The following TNFSF4 variants were observed in gnomAD, a reference collection of about 807,000 sequenced individuals.
The protein encoded by TNFSF4 is TNF superfamily member 4.
Under a neutral mutation model 7.3 loss-of-function variants are expected in TNFSF4, and 4 were observed. That is an observed-to-expected ratio of 0.55 (90% CI 0.27 to 1.25). TNFSF4 has a LOEUF of 1.25. Among genes scored for constraint, TNFSF4 ranks in the 50% most tolerant of loss-of-function variants. The pLI is 0.12. For synonymous variants in TNFSF4, 76 were observed against 83.7 expected, an observed-to-expected ratio of 0.91 and a Z score of 0.50; for missense variants, 181 against 208.8, an observed-to-expected ratio of 0.87 and a Z score of 0.82.
At chr1:173,423,860 A>C in the TNFSF4 span, among the ~76,000 whole-genome samples, 1 of 152,200 alleles carries the variant, frequency 6.6e-6, no homozygotes, top group Non-Finnish European at 1.5e-5. Context: ...AACAATAAAA[A>C]ATTTATTTCT....
At chr1:173,273,849 T>A in the TNFSF4 span, among the ~76,000 whole-genome samples, 2 of 152,134 alleles carry the variant, frequency 1.3e-5, no homozygotes, top group African/African-American at 4.8e-5. Context: ...TGTGGCTGGA[T>A]GTTTGGATTA....
At chr1:173,265,767 T>C in the TNFSF4 span, among the ~76,000 whole-genome samples, 2 of 152,194 alleles carry the variant, frequency 1.3e-5, no homozygotes, top group African/African-American at 4.8e-5. Context: ...TGATATTCTT[T>C]CCCACTAAAT....
At chr1:173,173,900 T>A in the TNFSF4 span, among the ~76,000 whole-genome samples, 1 of 152,246 alleles carries the variant, frequency 6.6e-6, no homozygotes, top group African/African-American at 2.4e-5. Context: ...ATTTTCTCCA[T>A]TGTCTTGGTG....
At chr1:173,344,126 G>A in the TNFSF4 span, among the ~76,000 whole-genome samples, 1 of 152,128 alleles carries the variant, frequency 6.6e-6, no homozygotes, top group African/African-American at 2.4e-5. Flanking sequence ...GCTAAGTGCT[G>A]GTAAGGCAAA....
the TNFSF4 span, among the ~76,000 whole-genome samples, chr1:173,391,546 G>C: frequency 4.7e-5 from 7 of 150,128 alleles, no homozygotes; most frequent in East Asian, 9.8e-4. Context: ...GTCTTAGACT[G>C]ACACTGAATC....
chr1:173,354,271 C>T, the TNFSF4 span, among the ~76,000 whole-genome samples: 2 of 152,074 alleles, frequency 1.3e-5, no homozygotes, highest in East Asian at 1.9e-4. Flanking sequence ...GACATATAGA[C>T]CTTCCCAAAA....
the TNFSF4 span, among the ~76,000 whole-genome samples, chr1:173,216,729 T>A: frequency 2.7e-4 from 41 of 152,272 alleles, no homozygotes; most frequent in African/African-American, 8.9e-4. Context: ...CTTTGGGGTA[T>A]GTCCTTTCTG....
At chr1:173,304,727 T>G in the TNFSF4 span, among the ~76,000 whole-genome samples, 2 of 152,104 alleles carry the variant, frequency 1.3e-5, no homozygotes, top group Non-Finnish European at 2.9e-5. Flanking sequence ...ACTGCTTAAG[T>G]GCCCTCATGG....
rs551686185 is a variant in TNFSF4 at position 173,186,669 on chromosome 1, C to A, written c.399G>T (p.Arg133Ser). The A allele has an allele frequency of 6.2e-7, 1 of 1,614,152 alleles. No homozygotes were observed. Among genetic ancestry groups the A allele is most frequent in the African/African-American group, 1.3e-5 (1 of 75,046 alleles). The change falls in exon 3 of 3, where the codon AGG (arginine) becomes AGT (serine). Residue 133 changes from arginine (R) to serine (S), a missense_variant. Arg to Ser is a moderately radical substitution (Grantham distance 110, BLOSUM62 -1). Transcript: ENST00000281834. ...EEPLFQLKKV[R>S]SVNSLMVASL... ...AGGCCACCATCAAGGAGTTGACAGA[C>A]CTGACCTTCTTCAGTTGGAAGAGGG...
the TNFSF4 span, among the ~76,000 whole-genome samples, chr1:173,323,231 T>C: frequency 6.6e-6 from 1 of 152,174 alleles, no homozygotes. Context: ...AGTTCACCAA[T>C]ATCCACTGTT....
At chr1:173,282,960 A>G in the TNFSF4 span, among the ~76,000 whole-genome samples, 2 of 152,224 alleles carry the variant, frequency 1.3e-5, no homozygotes, top group African/African-American at 4.8e-5. Flanking sequence ...AAGCTCATTT[A>G]GAAAAGATGC....
At chr1:173,419,297 A>C in the TNFSF4 span, among the ~76,000 whole-genome samples, 1 of 151,400 alleles carries the variant, frequency 6.6e-6, no homozygotes, top group Non-Finnish European at 1.5e-5. Context: ...AGCTGAGATC[A>C]CACCACTGCA....
chr1:173,366,287 G>A, the TNFSF4 span, among the ~76,000 whole-genome samples: 1 of 152,142 alleles, frequency 6.6e-6, no homozygotes, highest in Admixed American at 6.6e-5. Flanking sequence ...CCACAATGGA[G>A]CACTATTTGG....
At chr1:173,369,653 C>G in the TNFSF4 span, among the ~76,000 whole-genome samples, 106 of 152,246 alleles carry the variant, frequency 7.0e-4, no homozygotes, top group Non-Finnish European at 1.3e-3. Flanking sequence ...TTGGGACCAA[C>G]TGGACTCATA....
the TNFSF4 span, among the ~76,000 whole-genome samples, chr1:173,289,155 T>C: frequency 1.3e-5 from 2 of 152,078 alleles, no homozygotes; most frequent in Admixed American, 6.6e-5. Context: ...AAACTATGCA[T>C]AGAAAAGGCT....
At chr1:173,438,388 A>G in the TNFSF4 span, among the ~76,000 whole-genome samples, 1 of 152,228 alleles carries the variant, frequency 6.6e-6, no homozygotes, top group South Asian at 2.1e-4. Flanking sequence ...CCAGCATCAT[A>G]TAAGACTGAA....
chr1:173,234,456 A>G, the TNFSF4 span, among the ~76,000 whole-genome samples: 1 of 152,236 alleles, frequency 6.6e-6, no homozygotes, highest in Non-Finnish European at 1.5e-5. Context: ...TATATACCCA[A>G]AGGATTATAA....
the TNFSF4 span, among the ~76,000 whole-genome samples, chr1:173,410,077 C>A: frequency 1.3e-5 from 2 of 152,080 alleles, no homozygotes. Context: ...CCAGCCTGGG[C>A]AACATAGTGA....
the TNFSF4 span, among the ~76,000 whole-genome samples, chr1:173,228,162 A>C: frequency 6.6e-6 from 1 of 152,186 alleles, no homozygotes; most frequent in African/African-American, 2.4e-5. Flanking sequence ...GAGTAGCCTA[A>C]CTGGGAGGCA....
Sources: gnomAD v4.1 joint callset for allele counts (sites outside exome capture counted in the v4.1 genomes callset) on GRCh38, gnomAD v4.1.1 for gene constraint, MANE v1.5 for transcripts, NCBI Gene and HGNC (gene_info 2026-07-23, HGNC 2026-07-21) for gene names.